CLIP2: variants seen among roughly 807,000 people sequenced by gnomAD.
CLIP2 encodes CAP-Gly domain-containing linker protein 2.
CLIP2 carries 41 observed loss-of-function variants against 111.7 expected under a neutral mutation model. The ratio of observed to expected loss-of-function variants is 0.37; its 90% CI spans 0.29 to 0.48. The LOEUF (loss-of-function observed/expected upper bound fraction) is 0.48. Ranked by LOEUF, CLIP2 falls within the 20% of genes least tolerant of loss-of-function variation. CLIP2 has a pLI of 0.99. For synonymous variants in CLIP2, 660 were observed against 644.2 expected, an observed-to-expected ratio of 1.02 and a Z score of -0.37; for missense variants, 1,160 against 1,422.1, an observed-to-expected ratio of 0.82 and a Z score of 2.96.
chr7:74,296,359 A>C (rs552086461), intron 1 of CLIP2, among the ~76,000 whole-genome samples: 27 of 151,630 alleles, frequency 1.8e-4, no homozygotes, highest in Non-Finnish European at 3.8e-4. Flanking sequence ...AAAATACAAA[A>C]ATTAGCCAGA....
chr7:74,351,541 T>A (rs1312194811), intron 3 of CLIP2, among the ~76,000 whole-genome samples: 2 of 150,258 alleles, frequency 1.3e-5, no homozygotes, highest in African/African-American at 4.9e-5. Context: ...TCTACTAAAA[T>A]AAGTAGTAAA....
At chr7:74,378,733 G>A (rs1790863941) in intron 10 of CLIP2, among the ~76,000 whole-genome samples, 1 of 152,120 alleles carries the variant, frequency 6.6e-6, no homozygotes, top group Non-Finnish European at 1.5e-5. Flanking sequence ...GTGTGAGGCT[G>A]TGACTCAAGA....
chr7:74,323,087 T>TG (rs1554730222), intron 2 of CLIP2, among the ~76,000 whole-genome samples: 2 of 12,228 alleles, frequency 1.6e-4, no homozygotes, highest in African/African-American at 4.6e-4. Flanking sequence ...TATGTTTTAT[T>TG]TATTTATTTA....
At chr7:74,346,731 AAAAAAAAAAAAC>A (rs371913768) in intron 3 of CLIP2, among the ~76,000 whole-genome samples, 47,158 of 137,904 alleles carry the variant, frequency 0.34, 9,828 homozygotes, top group Non-Finnish European at 0.46. Context: ...AAAAAAAAAA[AAAAAAAAAAAAC>A]AAAACACTGG....
chr7:74,305,839 C>T (rs1238705250), intron 1 of CLIP2, among the ~76,000 whole-genome samples: 12 of 138,470 alleles, frequency 8.7e-5, no homozygotes, highest in Non-Finnish European at 1.8e-4. Flanking sequence ...CAGCTGGCTT[C>T]TCTCCCTGCA....
At chr7:74,328,386 C>T (rs1021184541) in intron 2 of CLIP2, among the ~76,000 whole-genome samples, 2 of 152,130 alleles carry the variant, frequency 1.3e-5, no homozygotes, top group Non-Finnish European at 2.9e-5. Flanking sequence ...TTGGGGCCAC[C>T]AGGAAGCGGG....
In CLIP2 at chr7:74,369,758, G is replaced by C. The variant is rs558343660; in HGVS notation, c.1381-3174G>C. Among the ~76,000 whole-genome samples the C allele has an allele frequency of 9.3e-4, 95 of 102,408 alleles. 1 individual carries two copies. The East Asian group carries it at 0.028, about 30-fold the overall frequency. 67.2% of individuals were successfully genotyped at this position (102,408 alleles called of 152,430 possible). On this transcript the variant is annotated intron_variant, in intron 8 of 16. Coordinates refer to ENST00000223398, the MANE Select transcript of CLIP2 (RefSeq NM_003388.5). ...TGTAATTCCAGCTACTCGGAAGGCT[G>C]AGGCAGGAGAATCGCTTGAACCCAG...
At chr7:74,343,119 C>T (rs557698388) in intron 3 of CLIP2, among the ~76,000 whole-genome samples, 129 of 151,044 alleles carry the variant, frequency 8.5e-4, no homozygotes, top group Non-Finnish European at 1.5e-3. Context: ...ACTCAGGAGG[C>T]GGAGGTTGCA....
At chr7:74,337,205 G>C (rs1789498360) in intron 2 of CLIP2, among the ~76,000 whole-genome samples, 1 of 152,000 alleles carries the variant, frequency 6.6e-6, no homozygotes, top group South Asian at 2.1e-4. Flanking sequence ...CACTTTCCGG[G>C]GTCTGTGGAC....
intron 1 of CLIP2, among the ~76,000 whole-genome samples, chr7:74,308,707 G>T (rs1056735513): frequency 6.6e-6 from 1 of 152,022 alleles, no homozygotes; most frequent in South Asian, 2.1e-4. Flanking sequence ...GTTTCACCAC[G>T]TTGGCCGGGC....
chr7:74,340,003 A>G (rs1335712218), intron 3 of CLIP2, among the ~76,000 whole-genome samples: 1 of 152,052 alleles, frequency 6.6e-6, no homozygotes, highest in African/African-American at 2.4e-5. Context: ...CTGTGGTGGG[A>G]GGATGGCTTG....
In CLIP2 at chr7:74,393,342, C is replaced by CT. The variant is rs1397784555; in HGVS notation, c.2721-3721dup. On this transcript the variant is annotated intron_variant, in intron 13 of 16. Coordinates refer to ENST00000223398, the MANE Select transcript of CLIP2 (RefSeq NM_003388.5). Reference sequence around the variant, plus strand: ...CGCACTGGGCCCAGCATTTGCATTTCTTTTTTTTTTTGAGATGGAGTTTTG... The same window carrying CT: ...CGCACTGGGCCCAGCATTTGCATTTCTTTTTTTTTTTTGAGATGGAGTTTTG... 7.6e-3 allele frequency among the ~76,000 whole-genome samples: 1,078 copies of CT among 142,310 alleles called. 3 individuals carry two copies. The highest frequency in any genetic ancestry group is 9.3e-3 in the Non-Finnish European group (605 of 64,730). The allele number at this position is 142,310 out of a possible 152,430, so 93.4% of individuals were successfully genotyped here.
intron 1 of CLIP2, among the ~76,000 whole-genome samples, chr7:74,307,046 C>T (rs1450066933): frequency 6.6e-6 from 1 of 152,220 alleles, no homozygotes; most frequent in East Asian, 1.9e-4. Context: ...CACACGAGGG[C>T]AGGTGGCCTC....
intron 2 of CLIP2, among the ~76,000 whole-genome samples, chr7:74,323,639 C>T (rs1789029406): frequency 6.6e-6 from 1 of 152,114 alleles, no homozygotes; most frequent in Non-Finnish European, 1.5e-5. Context: ...GTTGGCCAGG[C>T]TGGTCTCCAA....
rs542835319 is a variant in CLIP2 at position 74,292,635 on chromosome 7, A to G, written c.-68+2901A>G. ...ACTCCTGACCTCAAGTGATCCGCCC[A>G]CCTTGACCTCCCAAATTGCTGGGAT... On this transcript the variant is annotated intron_variant, in intron 1 of 16. Transcript: ENST00000223398. Among the ~76,000 whole-genome samples the G allele has an allele frequency of 5.6e-3, 851 of 151,688 alleles. 2 individuals carry two copies. Among genetic ancestry groups the G allele is most frequent in the Non-Finnish European group, 8.9e-3 (606 of 67,850 alleles).
At chr7:74,401,933 A>G (rs944204572) in intron 16 of CLIP2, among the ~76,000 whole-genome samples, 1 of 151,764 alleles carries the variant, frequency 6.6e-6, no homozygotes, top group Non-Finnish European at 1.5e-5. Flanking sequence ...GGTAGGGTGG[A>G]CAATATAGCG....
intron 1 of CLIP2, among the ~76,000 whole-genome samples, chr7:74,299,655 T>G (rs1450505952): frequency 1.3e-5 from 2 of 151,474 alleles, no homozygotes; most frequent in Non-Finnish European, 2.9e-5. Flanking sequence ...GGAGAAGGTG[T>G]GGGAGTGAGA....
rs549473918 is a variant in CLIP2, at chr7:74,351,252, G to A, written c.679-2628G>A. Among the ~76,000 whole-genome samples the A allele has an allele frequency of 6.0e-4, 91 of 151,310 alleles. 1 individual carries two copies. The highest frequency in any genetic ancestry group is 2.1e-3 in the African/African-American group (87 of 41,264). The stretch of plus-strand genomic sequence containing the variant: ...TGAGGCAAATGGATTGCTTGAGCCC[G>A]GAAGTTTGAGACCAGCCTGGGCAAT... On this transcript the variant is annotated intron_variant, in intron 3 of 16. Coordinates refer to ENST00000223398, the MANE Select transcript of CLIP2 (RefSeq NM_003388.5).
intron 5 of CLIP2, 87 bp downstream of exon 5, chr7:74,356,710 CT>C (rs1343903760): frequency 1.6e-6 from 2 of 1,229,486 alleles, no homozygotes; most frequent in South Asian, 1.3e-5. Flanking sequence ...TGGTCTGCCC[CT>C]GACTTACTCT....
Sources: allele counts gnomAD v4.1 joint callset (sites outside exome capture counted in the v4.1 genomes callset), GRCh38; gene constraint gnomAD v4.1.1; transcripts MANE v1.5; gene names NCBI Gene and HGNC (gene_info 2026-07-23, HGNC 2026-07-21).